The following TMEM131 variants were observed in gnomAD, a reference collection of about 807,000 sequenced individuals.
The protein encoded by TMEM131 is transmembrane protein 131, also known as 2610524E03Rik.
TMEM131 carries 66 observed loss-of-function variants against 211.6 expected under a neutral mutation model. The observed-to-expected ratio is 0.31, with a 90% confidence interval of 0.26 to 0.38. TMEM131 has a LOEUF of 0.38. Among genes scored for constraint, TMEM131 ranks in the 10% least tolerant of loss-of-function variants. The pLI is 1.00. For missense variants in TMEM131, 2,036 were observed against 2,299.3 expected, an observed-to-expected ratio of 0.89 and a Z score of 2.34; for synonymous variants, 844 against 841.3, an observed-to-expected ratio of 1.00 and a Z score of -0.06.
intron 4 of TMEM131, among the ~76,000 whole-genome samples, chr2:97,874,740 G>A (rs900967136): frequency 1.6e-4 from 25 of 152,144 alleles, no homozygotes; most frequent in Non-Finnish European, 3.2e-4. Flanking sequence ...AATATGGACA[G>A]GAACAACCAG....
At chr2:97,831,664 C>CT (rs11378393) in intron 11 of TMEM131, among the ~76,000 whole-genome samples, 18,492 of 79,352 alleles carry the variant, frequency 0.23, 4,240 homozygotes, top group Non-Finnish European at 0.32. Context: ...TCACATACCT[C>CT]TTTTTTTTTT....
rs566578027 is a variant in TMEM131, at chr2:97,919,920, A to G, written c.249+7506T>C. ...TATGAACAGCTCAGATCTCCCTACA[A>G]GGAAGAACTTGGCATTCAGTTGTGA... On this transcript the variant is annotated intron_variant, in intron 2 of 40. Transcript: ENST00000186436. 3.3e-5 allele frequency among the ~76,000 whole-genome samples: 5 copies of G among 152,308 alleles called. No homozygotes were observed. In the South Asian group the frequency reaches 8.3e-4, roughly 25 times the overall value.
At chr2:97,968,723 G>C (rs1489530570) in intron 1 of TMEM131, among the ~76,000 whole-genome samples, 1 of 152,154 alleles carries the variant, frequency 6.6e-6, no homozygotes, top group African/African-American at 2.4e-5. Context: ...CCATTATCCA[G>C]AAGATTATAC....
At chr2:97,895,834 T>G (rs936621551) in intron 3 of TMEM131, among the ~76,000 whole-genome samples, 9 of 152,194 alleles carry the variant, frequency 5.9e-5, no homozygotes, top group African/African-American at 1.2e-4. Context: ...ATTCATTGAT[T>G]TTTTGAAGGG....
chr2:97,903,744 C>T (rs1016689208), intron 3 of TMEM131, among the ~76,000 whole-genome samples: 2 of 151,994 alleles, frequency 1.3e-5, no homozygotes, highest in Non-Finnish European at 2.9e-5. Flanking sequence ...AGTGCAATGG[C>T]GCAATCTCGG....
chr2:97,969,112 G>A (rs1028373268), intron 1 of TMEM131, among the ~76,000 whole-genome samples: 3 of 151,368 alleles, frequency 2.0e-5, no homozygotes, highest in African/African-American at 7.3e-5. Flanking sequence ...AAAAGGATAT[G>A]ACAACATTTA....
intron 11 of TMEM131, chr2:97,827,305 A>C (rs1311093094): frequency 2.3e-5 from 18 of 785,820 alleles, no homozygotes; most frequent in Non-Finnish European, 4.2e-5. Flanking sequence ...GCCCAAGAGG[A>C]GATCGGCGCG....
intron 1 of TMEM131, among the ~76,000 whole-genome samples, chr2:97,980,656 T>G (rs779903468): frequency 2.6e-5 from 4 of 152,092 alleles, no homozygotes; most frequent in African/African-American, 4.8e-5. Flanking sequence ...AGCCCCAAAC[T>G]GCAAACAACC....
intron 4 of TMEM131, among the ~76,000 whole-genome samples, chr2:97,875,032 C>G (rs1390074952): frequency 2.6e-5 from 4 of 151,874 alleles, no homozygotes; most frequent in Admixed American, 6.6e-5. Flanking sequence ...ATTTACCAAG[C>G]AAATGGAAAT....
At chr2:97,780,058 C>CA (rs540862030) in intron 31 of TMEM131, among the ~76,000 whole-genome samples, 2,113 of 149,822 alleles carry the variant, frequency 0.014, 67 homozygotes, top group Admixed American at 0.062. Context: ...AACAAACAAA[C>CA]AAAAAAAAAC....
In TMEM131 at chr2:97,805,217, A is replaced by G. The variant is rs1156881264; in HGVS notation, c.2285-12T>C. On this transcript the variant is annotated splice_polypyrimidine_tract_variant and intron_variant, in intron 21 of 40. Transcript: ENST00000186436. ...CACTTTGGGTTCAGCTAAAACAAGG[A>G]AACATACTTAACCTGCATCTATACT... is the stretch of plus-strand genomic sequence containing the variant. 2 of 1,607,238 alleles carry G rather than the reference A, an allele frequency of 1.2e-6. No individual in the cohort carries two copies. The highest frequency in any genetic ancestry group is 1.7e-5 in the Admixed American group (1 of 58,766).
chr2:97,777,838 A>G (rs951038407), intron 31 of TMEM131, among the ~76,000 whole-genome samples: 3 of 151,068 alleles, frequency 2.0e-5, no homozygotes, highest in Admixed American at 6.6e-5. Context: ...AAGCCAAACC[A>G]AGCCAAACCA....
In TMEM131 at chr2:97,809,793, G is replaced by C. The variant is rs1398103335; in HGVS notation, c.1969-19C>G. 1.3e-6 allele frequency: 2 copies of C among 1,571,832 alleles called. No homozygotes were observed. The highest frequency in any genetic ancestry group is 2.7e-5 in the African/African-American group (2 of 74,224). On this transcript the variant is annotated intron_variant, in intron 18 of 40. Transcript: ENST00000186436. ...TCAGGATCTGTGAAGTCAAGAAGATGATGATAGATAAGTAGTTAAGACTTA... is the reference window on the plus strand; with the variant it reads ...TCAGGATCTGTGAAGTCAAGAAGATCATGATAGATAAGTAGTTAAGACTTA...
rs1678226797 is a variant in TMEM131 at position 97,949,961 on chromosome 2, T to C, written c.188-22474A>G. 3.3e-5 allele frequency among the ~76,000 whole-genome samples: 5 copies of C among 152,090 alleles called. 1 individual carries two copies. The South Asian group carries it at 6.2e-4, about 19-fold the overall frequency. ...ACTACATGAAGGCCTTACTCCAAAATTGCAACCATTTTCCTTGCCTTATTT... is the reference window on the plus strand; with the variant it reads ...ACTACATGAAGGCCTTACTCCAAAACTGCAACCATTTTCCTTGCCTTATTT... On this transcript the variant is annotated intron_variant, in intron 1 of 40. Transcript: ENST00000186436.
chr2:97,814,138 G>A lies in TMEM131; in HGVS notation c.1450C>T (p.His484Tyr), dbSNP rs747229580. ...PEEAKTMFKV[H>Y]NFSKPVLILP... ...ATTAAGACTGGTTTGCTGAAGTTGT[G>A]AACCTGAGAAATGACAGAAGAGAAA... The change falls in exon 15 of 41, where the codon CAC (histidine) becomes TAC (tyrosine). Residue 484 changes from histidine to tyrosine, a missense_variant. His to Tyr is a moderately conservative substitution (Grantham distance 83). Around this residue, in one of 3 missense-constraint regions of TMEM131, gnomAD observed 1,623 missense variants for 1,805.9 expected, o/e 0.90. Coordinates refer to ENST00000186436, the MANE Select transcript of TMEM131 (RefSeq NM_015348.2). 1 of 1,612,298 alleles carries A rather than the reference G, an allele frequency of 6.2e-7. No homozygotes were observed. Among genetic ancestry groups the A allele is most frequent in the East Asian group, 2.2e-5 (1 of 44,850 alleles).
chr2:97,852,954 A>G (rs918509384), intron 5 of TMEM131, among the ~76,000 whole-genome samples: 1 of 152,252 alleles, frequency 6.6e-6, no homozygotes, highest in Non-Finnish European at 1.5e-5. Context: ...CCTAGATAAC[A>G]GCACATCTAT....
chr2:97,832,004 C>CA (rs770432398), intron 11 of TMEM131, among the ~76,000 whole-genome samples: 21,234 of 59,706 alleles, frequency 0.36, 4,164 homozygotes, highest in Non-Finnish European at 0.4. Flanking sequence ...AAGTCACTTC[C>CA]AAAAAAAAAA....
chr2:97,942,976 G>A (rs931867456), intron 1 of TMEM131, among the ~76,000 whole-genome samples: 1 of 99,260 alleles, frequency 1.0e-5, no homozygotes, highest in Non-Finnish European at 2.0e-5. Context: ...AAGAAAGAAA[G>A]AAAGAAAGAA....
At chr2:97,886,774 G>A (rs555581651) in intron 4 of TMEM131, among the ~76,000 whole-genome samples, 128 of 152,356 alleles carry the variant, frequency 8.4e-4, no homozygotes, top group Middle Eastern at 3.4e-3. Context: ...TGGTGTGGGT[G>A]TATGCCTGCC....
Sources: allele counts gnomAD v4.1 joint callset (sites outside exome capture counted in the v4.1 genomes callset), GRCh38; gene constraint gnomAD v4.1.1; regional missense constraint gnomAD v4.1.1; transcripts MANE v1.5; gene names NCBI Gene and HGNC (gene_info 2026-07-23, HGNC 2026-07-21).